The following ID2 variants were observed in gnomAD, a reference collection of about 807,000 sequenced individuals.
ID2 encodes the protein DNA-binding protein inhibitor ID-2.
ID2 carries 2 observed loss-of-function variants against 8.3 expected under a neutral mutation model. The ratio of observed to expected loss-of-function variants is 0.24; its 90% CI spans 0.10 to 0.76. The LOEUF (loss-of-function observed/expected upper bound fraction) is 0.76. Ranked by LOEUF, ID2 falls within the 30% of genes least tolerant of loss-of-function variation. The probability of loss-of-function intolerance (pLI) is 0.73; values close to 1 mark genes in which losing one functional copy is unlikely to be tolerated. For missense variants in ID2, 155 were observed against 167.0 expected, an observed-to-expected ratio of 0.93 and a Z score of 0.40; for synonymous variants, 112 against 72.3, an observed-to-expected ratio of 1.55 and a Z score of -2.79.
In ID2 at chr2:8,682,850, A is replaced by T; in HGVS notation, c.356A>T (p.Glu119Val). Residue 119 changes from glutamate (E) to valine (V), a missense_variant, in exon 2 of 3, where the codon GAA (glutamate) becomes GTA (valine). Coordinates refer to ENST00000396290, the MANE Select transcript of ID2 (RefSeq NM_002166.5). ...DISILSLQAS[E>V]FPSELMSNDS... is the part of the protein sequence containing the mutation. The stretch of plus-strand genomic sequence containing the variant: ...TATCCTCTTTCTTTCCAGGCTTCTG[A>T]ATTCCCTTCTGAGTTAATGTCAAAT... 6.2e-7 allele frequency: 1 copy of T among 1,612,830 alleles called. No homozygotes were observed. The highest frequency in any genetic ancestry group is 8.5e-7 in the Non-Finnish European group (1 of 1,179,112).
In ID2 at chr2:8,682,387, C is replaced by T. The variant is rs150794270; in HGVS notation, c.222C>T (p.Asp74=). ...ILQHVIDYIL[D]LQIALDSHPT... ...AGCACGTCATCGACTACATCTTGGA[C>T]CTGCAGATCGCCCTGGACTCGCATC... Residue 74 remains aspartate, a synonymous_variant, in exon 1 of 3, where the codon GAC becomes GAT. Transcript: ENST00000396290. 18 of 1,613,830 alleles carry T rather than the reference C, an allele frequency of 1.1e-5. No individual in the cohort carries two copies. The highest frequency in any genetic ancestry group is 2.7e-5 in the African/African-American group (2 of 74,936).
chr2:8,682,307 G>A lies in ID2; in HGVS notation c.142G>A (p.Glu48Lys), dbSNP rs1662102264. The change falls in exon 1 of 3, where the codon GAG becomes AAG. Residue 48 changes from glutamate to lysine, a missense_variant. This residue lies in a region of ID2 where 73 missense variants were observed against 72.2 expected (regional missense o/e 1.01). Coordinates refer to ENST00000396290, the MANE Select transcript of ID2 (RefSeq NM_002166.5). ...NMNDCYSKLK[E>K]LVPSIPQNKK... Reference sequence around the variant, plus strand: ...GAACGACTGCTACTCCAAGCTCAAGGAGCTGGTGCCCAGCATCCCCCAGAA... The same window carrying A: ...GAACGACTGCTACTCCAAGCTCAAGAAGCTGGTGCCCAGCATCCCCCAGAA... The A allele has an allele frequency of 6.2e-7, 1 of 1,613,960 alleles. No homozygotes were observed. The highest frequency in any genetic ancestry group is 8.5e-7 in the Non-Finnish European group (1 of 1,180,012).
In ID2 at chr2:8,683,705, T is replaced by TC. The variant is rs1323331740; in HGVS notation, c.*29dup. On this transcript the variant is annotated 3_prime_UTR_variant, in exon 3 of 3. Coordinates refer to ENST00000396290, the MANE Select transcript of ID2 (RefSeq NM_002166.5). ...CGCAGGTGTTCATGATTTCTTTTATTCTTTGCACAACAACAACAACAACAA... is the reference window on the plus strand; with the variant it reads ...CGCAGGTGTTCATGATTTCTTTTATTCCTTTGCACAACAACAACAACAACAA... 2 of 152,470 alleles carry TC rather than the reference T, an allele frequency of 1.3e-5. No individual in the cohort carries two copies. Among genetic ancestry groups the TC allele is most frequent in the African/African-American group, 4.8e-5 (2 of 41,432 alleles). The allele number at this position is 152,470 out of a possible 1,614,324, so 9.4% of individuals were successfully genotyped here.
At chr2:8,683,338 C>T (rs974713503) in intron 2 of ID2, among the ~76,000 whole-genome samples, 1 of 152,126 alleles carries the variant, frequency 6.6e-6, no homozygotes, top group Non-Finnish European at 1.5e-5. Context: ...CTACCCTGTG[C>T]CTTCAACCCT....
intron 1 of ID2, 65 bp from the exon 2 acceptor site, chr2:8,682,762 CAAAAAAAAAAAAAAAA>C: frequency 1.3e-6 from 1 of 742,032 alleles, no homozygotes; most frequent in Middle Eastern, 2.5e-4. Flanking sequence ...CTGTGGACTA[CAAAAAAAAAAAAAAAA>C]AAAAAAAAAC....
intron 2 of ID2, 136 bp downstream of exon 2, chr2:8,683,042 C>A (rs532260886): frequency 2.8e-6 from 2 of 721,838 alleles, no homozygotes; most frequent in Non-Finnish European, 5.1e-6. Context: ...GTTACCCGTA[C>A]TACATTGTCT....
chr2:8,683,188 C>T (rs900557886), intron 2 of ID2, among the ~76,000 whole-genome samples: 2 of 152,168 alleles, frequency 1.3e-5, no homozygotes, highest in African/African-American at 4.8e-5. Flanking sequence ...AAATGTAATG[C>T]CCTGGATCTT....
chr2:8,683,327 G>A (rs920900762), intron 2 of ID2, among the ~76,000 whole-genome samples: 5 of 152,162 alleles, frequency 3.3e-5, no homozygotes, highest in African/African-American at 1.2e-4. Flanking sequence ...GTTGAGGATT[G>A]CTACCCTGTG....
At chr2:8,682,589 T>A in intron 1 of ID2, 76 bp downstream of exon 1, 1 of 1,069,554 alleles carries the variant, frequency 9.3e-7, no homozygotes, top group Non-Finnish European at 1.4e-6. Flanking sequence ...AGGAGATCCG[T>A]AGCCCAGACG....
chr2:8,683,964 G>A lies in ID2; in HGVS notation c.*287G>A, dbSNP rs1662175290. On this transcript the variant is annotated 3_prime_UTR_variant, in exon 3 of 3. Transcript: ENST00000396290. The stretch of plus-strand genomic sequence containing the variant: ...ATATACTATTCCCACCATGGGGAGC[G>A]AAAACGTTAAAATCACAAGGAATTG... 6.6e-6 allele frequency: 1 copy of A among 152,472 alleles called. No homozygotes were observed. Among genetic ancestry groups the A allele is most frequent in the South Asian group, 2.1e-4 (1 of 4,838 alleles). The allele number at this position is 152,472 out of a possible 1,614,324, so 9.4% of individuals were successfully genotyped here. A position where few individuals can be genotyped will look rare whatever the true frequency, so the allele number is the denominator to read the frequency against.
chr2:8,683,133 C>T (rs931142207), intron 2 of ID2: 1 of 571,210 alleles, frequency 1.8e-6, no homozygotes, highest in Non-Finnish European at 3.1e-6. Flanking sequence ...ATGCCAATAA[C>T]TTACTACGAA....
intron 2 of ID2, among the ~76,000 whole-genome samples, chr2:8,683,264 C>A (rs1367386574): frequency 6.6e-6 from 1 of 152,204 alleles, no homozygotes; most frequent in Admixed American, 6.5e-5. Context: ...GCCACAAATT[C>A]CATAGTGATC....
At position 8,683,076 on chromosome 2, in the gene ID2, G is replaced by C. The variant is rs1034679213; in HGVS notation, c.*7+170G>C. 20 of 629,444 alleles carry C rather than the reference G, an allele frequency of 3.2e-5. No homozygotes were observed. In the African/African-American group the frequency reaches 3.7e-4, roughly 12 times the overall value. The allele number at this position is 629,444 out of a possible 1,614,324, so 39.0% of individuals were successfully genotyped here. A position where few individuals can be genotyped will look rare whatever the true frequency, so the allele number is the denominator to read the frequency against. ...CTCACTAGACATGAAGGAGCTTGTAGCTTTGGGTGCTCGAGATCACAGAAC... is the reference window on the plus strand; with the variant it reads ...CTCACTAGACATGAAGGAGCTTGTACCTTTGGGTGCTCGAGATCACAGAAC... On this transcript the variant is annotated intron_variant, in intron 2 of 2. Transcript: ENST00000396290.
Position 8,682,927 on chromosome 2 carries a change from C to G in ID2, c.*7+21C>G, listed in dbSNP as rs979385018. 3 of 1,604,406 alleles carry G rather than the reference C, an allele frequency of 1.9e-6. No individual in the cohort carries two copies. The Admixed American group carries it at 5.0e-5, about 27-fold the overall frequency. ...AAGCGGTGAGTGTTTGCTTGTGCCACCCGTGGGTAAACTGCCCCTCGGTGT... is the reference window on the plus strand; with the variant it reads ...AAGCGGTGAGTGTTTGCTTGTGCCAGCCGTGGGTAAACTGCCCCTCGGTGT... On this transcript the variant is annotated intron_variant, in intron 2 of 2. Transcript: ENST00000396290.
intron 1 of ID2, 88 bp downstream of exon 1, chr2:8,682,601 T>C (rs1056257843): frequency 3.1e-6 from 3 of 964,658 alleles, no homozygotes; most frequent in African/African-American, 3.3e-5. Flanking sequence ...GCCCAGACGG[T>C]GACTTTCGTA....
intron 1 of ID2, 39 bp from the exon 2 acceptor site, chr2:8,682,804 T>A: frequency 7.3e-7 from 1 of 1,369,964 alleles, no homozygotes; most frequent in Non-Finnish European, 1.0e-6. Flanking sequence ...CTACTTAACA[T>A]TGTCTTAACC....
intron 1 of ID2, 124 bp downstream of exon 1, chr2:8,682,637 A>C: frequency 1.3e-6 from 1 of 757,270 alleles, no homozygotes; most frequent in Non-Finnish European, 2.1e-6. Flanking sequence ...TATTTTCTTC[A>C]GAATCTGCTG....
intron 2 of ID2, 29 bp downstream of exon 2, chr2:8,682,935 T>C: frequency 1.3e-6 from 2 of 1,571,976 alleles, no homozygotes; most frequent in Admixed American, 1.7e-5. Flanking sequence ...CACCCGTGGG[T>C]AAACTGCCCC....
At chr2:8,683,339 C>T (rs752549429) in intron 2 of ID2, among the ~76,000 whole-genome samples, 14 of 152,160 alleles carry the variant, frequency 9.2e-5, no homozygotes, top group Non-Finnish European at 2.1e-4. Context: ...TACCCTGTGC[C>T]TTCAACCCTG....
Sources: gnomAD v4.1 joint callset for allele counts (sites outside exome capture counted in the v4.1 genomes callset) on GRCh38, gnomAD v4.1.1 for gene constraint, gnomAD v4.1.1 regional missense constraint, MANE v1.5 for transcripts, NCBI Gene and HGNC (gene_info 2026-07-23, HGNC 2026-07-21) for gene names.